The following MAP3K13 variants were observed in gnomAD, a reference collection of about 807,000 sequenced individuals.
The protein encoded by MAP3K13 is leucine zipper-bearing kinase.
A neutral mutation model predicts 104.0 loss-of-function variants in MAP3K13; 52 were observed. The ratio of observed to expected loss-of-function variants is 0.50; its 90% CI spans 0.40 to 0.63. The LOEUF is 0.63. MAP3K13 is among the 20% of genes least tolerant of loss of function. MAP3K13 has a pLI of 0.00. For missense variants in MAP3K13, 914 were observed against 1,218.5 expected, an observed-to-expected ratio of 0.75 and a Z score of 3.72; for synonymous variants, 394 against 442.2, an observed-to-expected ratio of 0.89 and a Z score of 1.37.
At chr3:185,403,188 T>C (rs1712913726) in intron 1 of MAP3K13, among the ~76,000 whole-genome samples, 1 of 152,182 alleles carries the variant, frequency 6.6e-6, no homozygotes, top group Non-Finnish European at 1.5e-5. Context: ...AGAGTTTAAT[T>C]CAGATCAGTT....
At chr3:185,324,353 T>C (rs563176370) in intron 2 of MAP3K13, among the ~76,000 whole-genome samples, 124 of 152,306 alleles carry the variant, frequency 8.1e-4, no homozygotes, top group African/African-American at 2.9e-3. Flanking sequence ...CCATTTATAT[T>C]TCTTCTCTGA....
At chr3:185,386,730 A>G (rs1365406898) in intron 1 of MAP3K13, among the ~76,000 whole-genome samples, 2 of 152,224 alleles carry the variant, frequency 1.3e-5, no homozygotes, top group Admixed American at 6.5e-5. Context: ...ATAAAAAGGA[A>G]TAAGATCATG....
intron 3 of MAP3K13, among the ~76,000 whole-genome samples, chr3:185,438,136 A>AT (rs979436067): frequency 2.2e-4 from 33 of 151,760 alleles, no homozygotes; most frequent in African/African-American, 7.3e-4. Flanking sequence ...GTAAAAAAAA[A>AT]TTTTTTTTAA....
chr3:185,455,727 T>TATATG (rs1716641460), intron 7 of MAP3K13, among the ~76,000 whole-genome samples: 1 of 10,862 alleles, frequency 9.2e-5, no homozygotes. Flanking sequence ...ATATATATGA[T>TATATG]ATATATATGA....
chr3:185,360,882 A>C (rs186192416), upstream of MAP3K13, among the ~76,000 whole-genome samples: 906 of 128,696 alleles, frequency 7.0e-3, 14 homozygotes, highest in African/African-American at 0.025. Flanking sequence ...GCTGGAGTGC[A>C]GTGGTGTGAT....
chr3:185,455,725 GATATATATATGAGATATATATATGAT>G lies in MAP3K13; in HGVS notation c.1278+4339_1278+4364del, dbSNP rs1716640547. The stretch of plus-strand genomic sequence containing the variant: ...TATGAGATATATATGAGATATATAT[GATATATATATGAGATATATATATGAT>G]ATATATATGAGATATATATATGATA... On this transcript the variant is annotated intron_variant, in intron 7 of 13. Transcript: ENST00000265026. 2.6e-4 allele frequency among the ~76,000 whole-genome samples: 4 copies of G among 15,410 alleles called. 2 individuals carry two copies. Among genetic ancestry groups the G allele is most frequent in the Non-Finnish European group, 7.2e-4 (4 of 5,522 alleles). 10.1% of individuals were successfully genotyped at this position (15,410 alleles called of 152,430 possible).
At chr3:185,460,184 G>T (rs904036808) in intron 7 of MAP3K13, among the ~76,000 whole-genome samples, 9 of 152,134 alleles carry the variant, frequency 5.9e-5, no homozygotes, top group African/African-American at 2.2e-4. Context: ...GACCCCCAGT[G>T]GATGCCTAAA....
chr3:185,428,060 CAA>C (rs1247726382), intron 1 of MAP3K13, among the ~76,000 whole-genome samples: 3 of 139,818 alleles, frequency 2.1e-5, no homozygotes, highest in African/African-American at 8.0e-5. Flanking sequence ...GCCTGGGCAA[CAA>C]GAGCAAAACT....
intron 1 of MAP3K13, among the ~76,000 whole-genome samples, chr3:185,400,258 G>A (rs934506635): frequency 1.3e-5 from 2 of 152,140 alleles, no homozygotes; most frequent in African/African-American, 4.8e-5. Flanking sequence ...CTGCGTCTGC[G>A]CACCCTGCCC....
chr3:185,460,284 A>T (rs986189462), intron 7 of MAP3K13, among the ~76,000 whole-genome samples: 2 of 152,164 alleles, frequency 1.3e-5, no homozygotes, highest in Non-Finnish European at 2.9e-5. Context: ...CTTCTATCTT[A>T]ACTAAGCTCT....
intron 2 of MAP3K13, among the ~76,000 whole-genome samples, chr3:185,430,538 G>A (rs1714683535): frequency 6.6e-6 from 1 of 152,014 alleles, no homozygotes. Flanking sequence ...GCTTGTAAGT[G>A]AGAACATGTG....
chr3:185,414,986 A>G (rs1047780700), intron 1 of MAP3K13, among the ~76,000 whole-genome samples: 1 of 152,138 alleles, frequency 6.6e-6, no homozygotes, highest in Non-Finnish European at 1.5e-5. Flanking sequence ...AGCCTGGGCA[A>G]TATAGTGAGA....
chr3:185,406,940 G>C (rs1456201824), intron 1 of MAP3K13, among the ~76,000 whole-genome samples: 1 of 152,152 alleles, frequency 6.6e-6, no homozygotes, highest in African/African-American at 2.4e-5. Flanking sequence ...AAATCATAGA[G>C]TGGGGCTGGA....
In MAP3K13 at chr3:185,450,478, G is replaced by T. The variant is rs115984216; in HGVS notation, c.1169+420G>T. Among the ~76,000 whole-genome samples, 572 of 152,184 alleles carry T rather than the reference G, an allele frequency of 3.8e-3. 3 individuals are homozygous for T. Among genetic ancestry groups the T allele is most frequent in the Admixed American group, 5.6e-3 (85 of 15,270 alleles). ...CTCTTCAGTATATCAAAACTGTACT[G>T]CAGGGCAGCCAGGCACAGTGGCTCA... On this transcript the variant is annotated intron_variant, in intron 6 of 13. Coordinates refer to ENST00000265026, the MANE Select transcript of MAP3K13 (RefSeq NM_004721.5). This position sits in a 1 kb window ranked among gnomAD's most constrained non-coding sequence, Gnocchi z 4.2.
chr3:185,381,832 T>A (rs1278407862), intron 1 of MAP3K13, among the ~76,000 whole-genome samples: 7 of 152,252 alleles, frequency 4.6e-5, no homozygotes, highest in Admixed American at 1.3e-4. Flanking sequence ...AACAAGGTTA[T>A]GTATTGATCA....
At chr3:185,446,270 T>G (rs1409305168) in intron 4 of MAP3K13, among the ~76,000 whole-genome samples, 1 of 151,946 alleles carries the variant, frequency 6.6e-6, no homozygotes, top group Non-Finnish European at 1.5e-5. Context: ...TTTTTTTTTT[T>G]TTTGAGATGG....
chr3:185,304,643 CT>C (rs930226038), intron 2 of MAP3K13, among the ~76,000 whole-genome samples: 3 of 151,666 alleles, frequency 2.0e-5, no homozygotes, highest in East Asian at 3.9e-4. Context: ...CTTATGTTCT[CT>C]TTTTTTTGAG....
chr3:185,450,844 C>G lies in MAP3K13; in HGVS notation c.1170-443C>G, dbSNP rs1008572551. ...GTGGCTCACGCCTGTAATCCCAGCA[C>G]TTTAGGAGGCCGAGGCGGGCGTATC... On this transcript the variant is annotated intron_variant, in intron 6 of 13. Coordinates refer to ENST00000265026, the MANE Select transcript of MAP3K13 (RefSeq NM_004721.5). This position sits in a 1 kb window ranked among gnomAD's most constrained non-coding sequence, Gnocchi z 4.2. Among the ~76,000 whole-genome samples the G allele has an allele frequency of 2.0e-5, 3 of 152,174 alleles. No homozygotes were observed. Among genetic ancestry groups the G allele is most frequent in the Non-Finnish European group, 2.9e-5 (2 of 68,034 alleles).
chr3:185,410,409 A>G (rs1577523078), intron 1 of MAP3K13, among the ~76,000 whole-genome samples: 1 of 152,274 alleles, frequency 6.6e-6, no homozygotes, highest in East Asian at 1.9e-4. Flanking sequence ...GGAGGAATAA[A>G]TTCTACAGCT....
Sources: gnomAD v4.1 joint callset for allele counts (sites outside exome capture counted in the v4.1 genomes callset) on GRCh38, gnomAD v4.1.1 for gene constraint, Gnocchi (gnomAD v3.1) non-coding constraint, MANE v1.5 for transcripts, NCBI Gene and HGNC (gene_info 2026-07-23, HGNC 2026-07-21) for gene names.